The following TMEM63B variants were observed in gnomAD, a reference collection of about 807,000 sequenced individuals.
TMEM63B encodes transmembrane protein 63B, also known as mechanosensitive cation channel TMEM63B.
A neutral mutation model predicts 102.6 loss-of-function variants in TMEM63B; 23 were observed. The observed-to-expected ratio is 0.22, with a 90% CI of 0.16 to 0.32. TMEM63B has a LOEUF of 0.32. TMEM63B is among the 10% of genes least tolerant of loss of function. The probability of loss-of-function intolerance (pLI) is 1.00; values close to 1 mark genes in which losing one functional copy is unlikely to be tolerated. For missense variants in TMEM63B, 628 were observed against 1,095.9 expected (o/e 0.57, Z 6.03); for synonymous variants, 444 against 437.0 (o/e 1.02, Z -0.20).
At chr6:44,151,783 C>T in intron 18 of TMEM63B, 63 bp from the exon 19 acceptor site, 1 of 1,515,562 alleles carries the variant, frequency 6.6e-7, no homozygotes, top group Non-Finnish European at 8.9e-7. Context: ...GTAGTTCTGG[C>T]AGTGGGCGGG....
At chr6:44,132,899 A>C (rs1582761313) in intron 1 of TMEM63B, among the ~76,000 whole-genome samples, 2 of 152,176 alleles carry the variant, frequency 1.3e-5, no homozygotes, top group South Asian at 4.1e-4. Flanking sequence ...TGCCCTGAAA[A>C]TCATTCTAGC....
At chr6:44,130,176 A>G (rs775655924) in intron 1 of TMEM63B, among the ~76,000 whole-genome samples, 7 of 152,186 alleles carry the variant, frequency 4.6e-5, no homozygotes, top group Non-Finnish European at 7.3e-5. Flanking sequence ...GTTTGCAGAT[A>G]ACTCTGCAAA....
At chr6:44,153,588 ACT>A in intron 20 of TMEM63B, 86 bp from the exon 21 acceptor site, 1 of 1,489,028 alleles carries the variant, frequency 6.7e-7, no homozygotes. Flanking sequence ...ACCCTTCAGC[ACT>A]CTCAGGACCA....
intron 5 of TMEM63B, 25 bp downstream of exon 5, chr6:44,136,464 T>C (rs1762970013): frequency 6.6e-7 from 1 of 1,507,806 alleles, no homozygotes; most frequent in Non-Finnish European, 9.1e-7. Context: ...CCCAAACTTC[T>C]TAGTCCCCCA....
intron 10 of TMEM63B, among the ~76,000 whole-genome samples, chr6:44,142,898 C>CTACTCAGG (rs1391300693): frequency 6.6e-6 from 1 of 152,208 alleles, no homozygotes; most frequent in Non-Finnish European, 1.5e-5. Flanking sequence ...ATAGTCCCAA[C>CTACTCAGG]TACTCAGGTG....
chr6:44,136,455 C>T lies in TMEM63B; in HGVS notation c.369+16C>T, dbSNP rs190666305. ...AAGGGACAATGTGAGTGCCCTCCCC[C>T]CAAACTTCTTAGTCCCCCACCCCAC... On this transcript the variant is annotated intron_variant, in intron 5 of 23. Coordinates refer to ENST00000323267, the MANE Select transcript of TMEM63B (RefSeq NM_018426.3). The T allele has an allele frequency of 3.1e-6, 5 of 1,602,904 alleles. No individual in the cohort carries two copies. The South Asian group carries it at 3.3e-5, about 11-fold the overall frequency.
At chr6:44,138,817 G>GTGGGGGCAGCAGTAGGC in intron 6 of TMEM63B, 1 of 388,484 alleles carries the variant, frequency 2.6e-6, no homozygotes, top group Non-Finnish European at 4.8e-6. Context: ...CAGCCAGTGA[G>GTGGGGGCAGCAGTAGGC]TGGGGGCAGC....
intron 10 of TMEM63B, among the ~76,000 whole-genome samples, chr6:44,142,267 T>TA (rs57699007): frequency 1.0e-3 from 145 of 138,416 alleles, no homozygotes; most frequent in South Asian, 2.1e-3. Flanking sequence ...CCCCATGTCT[T>TA]AAAAAAAAAA....
chr6:44,142,376 A>G (rs1049466089), intron 10 of TMEM63B, among the ~76,000 whole-genome samples: 15 of 149,486 alleles, frequency 1.0e-4, no homozygotes, highest in African/African-American at 3.5e-4. Context: ...CTGAAAATAC[A>G]AAAATTAGCC....
chr6:44,134,364 C>T lies in TMEM63B; in HGVS notation c.-24-197C>T, dbSNP rs1376872530. On this transcript the variant is annotated intron_variant, in intron 1 of 23. Coordinates refer to ENST00000323267, the MANE Select transcript of TMEM63B (RefSeq NM_018426.3). ...GAGTTCCCCAGACCCAGGGTGGGGT[C>T]ATAGCCAGAGAGCCAGTGAAGGTAA... The T allele has an allele frequency of 5.3e-6, 3 of 569,124 alleles. No individual in the cohort carries two copies. In the African/African-American group the frequency reaches 5.6e-5, roughly 11 times the overall value. 35.3% of individuals were successfully genotyped at this position (569,124 alleles called of 1,614,324 possible).
At position 44,148,758 on chromosome 6, in the gene TMEM63B, G is replaced by C. The variant is rs1765945832; in HGVS notation, c.1260-34G>C. 1 of 1,612,676 alleles carries C rather than the reference G, an allele frequency of 6.2e-7. No individual in the cohort carries two copies. Among genetic ancestry groups the C allele is most frequent in the Admixed American group, 1.7e-5 (1 of 59,980 alleles). On this transcript the variant is annotated intron_variant, in intron 14 of 23. Transcript: ENST00000323267. This position sits in a 1 kb window ranked among gnomAD's most constrained non-coding sequence, Gnocchi z 5.1. ...GTCACTGGGGGCCAATCCTGCCCTT[G>C]GTTCCTGGACTGACCGGTTCCCCAC... is the stretch of plus-strand genomic sequence containing the variant.
At chr6:44,154,551 G>A in intron 23 of TMEM63B, 106 bp downstream of exon 23, 2 of 1,512,920 alleles carry the variant, frequency 1.3e-6, no homozygotes, top group Admixed American at 1.8e-5. Context: ...CCCCATGGGG[G>A]CGGGAAGAGA....
chr6:44,143,901 TATTC>T, intron 10 of TMEM63B, among the ~76,000 whole-genome samples: 1 of 152,328 alleles, frequency 6.6e-6, no homozygotes, highest in East Asian at 1.9e-4. Context: ...GTCAACTGTC[TATTC>T]ATTCAGCCCA....
At position 44,151,809 on chromosome 6, in the gene TMEM63B, C is replaced by T. The variant is rs1332144909; in HGVS notation, c.1674-37C>T. 11 of 1,567,938 alleles carry T rather than the reference C, an allele frequency of 7.0e-6. No individual in the cohort carries two copies. The East Asian group carries it at 9.0e-5, about 13-fold the overall frequency. On this transcript the variant is annotated intron_variant, in intron 18 of 23. Coordinates refer to ENST00000323267, the MANE Select transcript of TMEM63B (RefSeq NM_018426.3). Reference sequence around the variant, plus strand: ...AGTGGGCGGGCGGCCACCGGGTCACCCCAAGGGTGCAGTGCTGGAGCACCT... The same window carrying T: ...AGTGGGCGGGCGGCCACCGGGTCACTCCAAGGGTGCAGTGCTGGAGCACCT...
chr6:44,139,023 GC>G (rs1244606493), intron 6 of TMEM63B: 1 of 252,388 alleles, frequency 4.0e-6, no homozygotes, highest in African/African-American at 2.2e-5. Flanking sequence ...AGGTGCTGCT[GC>G]CCCTCCTCCC....
rs1764428618 is a variant in TMEM63B, at chr6:44,142,277, A to G, written c.782+1179A>G. Among the ~76,000 whole-genome samples the G allele has an allele frequency of 2.0e-5, 3 of 152,020 alleles. No homozygotes were observed. In the South Asian group the frequency reaches 6.2e-4, roughly 32 times the overall value. ...TGAGACCCCATGTCTTAAAAAAAAAAAAAAAAAAAATCATTGAGGGCCGGG... is the reference window on the plus strand; with the variant it reads ...TGAGACCCCATGTCTTAAAAAAAAAGAAAAAAAAAATCATTGAGGGCCGGG... On this transcript the variant is annotated intron_variant, in intron 10 of 23. Coordinates refer to ENST00000323267, the MANE Select transcript of TMEM63B (RefSeq NM_018426.3).
Position 44,148,554 on chromosome 6 carries a change from C to T in TMEM63B, c.1163C>T (p.Thr388Ile), listed in dbSNP as rs868752659. ...DFNVCKCQGC[T>I]CRGEPRPSSC... ...AACGTGTGTAAATGCCAGGGCTGCA[C>T]CTGCCGTGGGGAGCCACGCCCCTCA... The change falls in exon 14 of 24, where the codon ACC becomes ATC. Residue 388 changes from threonine to isoleucine, a missense_variant. Physicochemically the swap from Thr to Ile is moderately conservative, Grantham distance 89. Coordinates refer to ENST00000323267, the MANE Select transcript of TMEM63B (RefSeq NM_018426.3). This position sits in a 1 kb window ranked among gnomAD's most constrained non-coding sequence, Gnocchi z 5.1. 1.2e-6 allele frequency: 2 copies of T among 1,614,240 alleles called. No individual in the cohort carries two copies. The highest frequency in any genetic ancestry group is 1.7e-6 in the Non-Finnish European group (2 of 1,180,050).
In TMEM63B at chr6:44,155,350, G is replaced by T. The variant is rs186286276; in HGVS notation, c.*467G>T. The T allele has an allele frequency of 6.6e-6, 1 of 152,512 alleles. No homozygotes were observed. Among genetic ancestry groups the T allele is most frequent in the Non-Finnish European group, 1.5e-5 (1 of 68,298 alleles). The allele number at this position is 152,512 out of a possible 1,614,324, so 9.4% of individuals were successfully genotyped here. A position where few individuals can be genotyped will look rare whatever the true frequency, so the allele number is the denominator to read the frequency against. ...TCCAGCCCCTAGGGGATGCATGAGG[G>T]GGGAGGGGGTGCTGAGTGGGAGGAA... On this transcript the variant is annotated 3_prime_UTR_variant, in exon 24 of 24. Transcript: ENST00000323267.
At chr6:44,129,757 C>T (rs1777923391) in intron 1 of TMEM63B, among the ~76,000 whole-genome samples, 1 of 152,104 alleles carries the variant, frequency 6.6e-6, no homozygotes, top group Admixed American at 6.5e-5. Flanking sequence ...TTCTCTAAAC[C>T]AACCCCTTTT....
Sources: gnomAD v4.1 joint callset for allele counts (sites outside exome capture counted in the v4.1 genomes callset) on GRCh38, gnomAD v4.1.1 for gene constraint, Gnocchi (gnomAD v3.1) non-coding constraint, MANE v1.5 for transcripts, NCBI Gene and HGNC (gene_info 2026-07-23, HGNC 2026-07-21) for gene names.